The following ANO6 variants were observed in gnomAD, a reference collection of about 807,000 sequenced individuals.
ANO6 encodes the protein anoctamin-6.
Under a neutral mutation model 117.5 loss-of-function variants are expected in ANO6, and 106 were observed. That is an observed-to-expected ratio of 0.90 (90% CI 0.77 to 1.06). The LOEUF is 1.06. Ranked by LOEUF, ANO6 falls within the 50% of genes least tolerant of loss-of-function variation. ANO6 has a pLI of 0.00. For missense variants in ANO6, 955 were observed against 1,121.1 expected, an observed-to-expected ratio of 0.85 and a Z score of 2.12; for synonymous variants, 367 against 385.1, an observed-to-expected ratio of 0.95 and a Z score of 0.55.
At chr12:45,358,587 C>A (rs1941472775) in intron 8 of ANO6, among the ~76,000 whole-genome samples, 1 of 152,120 alleles carries the variant, frequency 6.6e-6, no homozygotes, top group African/African-American at 2.4e-5. Context: ...GATAGTTACA[C>A]CACATATTTC....
intron 1 of ANO6, among the ~76,000 whole-genome samples, chr12:45,218,219 G>A (rs564350832): frequency 9.2e-5 from 14 of 151,854 alleles, no homozygotes; most frequent in African/African-American, 3.4e-4. Flanking sequence ...CACTATTCCT[G>A]TGGGGCCCTG....
intron 3 of ANO6, among the ~76,000 whole-genome samples, chr12:45,332,913 C>T (rs1279094653): frequency 6.6e-6 from 1 of 151,994 alleles, no homozygotes; most frequent in African/African-American, 2.4e-5. Flanking sequence ...TGGAAAGTAT[C>T]GTTTCTGGCT....
chr12:45,342,600 G>C (rs892283409), intron 3 of ANO6, among the ~76,000 whole-genome samples: 6 of 152,140 alleles, frequency 3.9e-5, no homozygotes, highest in Admixed American at 3.3e-4. Flanking sequence ...AGAAAATTTG[G>C]GGGGCTGCAG....
intron 2 of ANO6, among the ~76,000 whole-genome samples, chr12:45,316,088 G>A (rs765890444): frequency 5.9e-5 from 9 of 151,908 alleles, no homozygotes; most frequent in South Asian, 2.1e-4. Flanking sequence ...GAATTTTCCC[G>A]GTAATTTATC....
chr12:45,292,018 G>A lies in ANO6; in HGVS notation c.71-9996G>A, dbSNP rs534987708. Among the ~76,000 whole-genome samples the A allele has an allele frequency of 3.2e-4, 48 of 152,280 alleles. 1 individual carries two copies. The highest frequency in any genetic ancestry group is 4.7e-4 in the Non-Finnish European group (32 of 68,032). On this transcript the variant is annotated intron_variant, in intron 1 of 19. Coordinates refer to ENST00000320560, the MANE Select transcript of ANO6 (RefSeq NM_001025356.3). ...CTCAGATACTTGTATAACAGTGCTCGTTGCAGCATTATTCACAATAGCCAA... is the reference window on the plus strand; with the variant it reads ...CTCAGATACTTGTATAACAGTGCTCATTGCAGCATTATTCACAATAGCCAA...
intron 6 of ANO6, 71 bp from the exon 7 acceptor site, chr12:45,350,588 A>G: frequency 1.7e-6 from 2 of 1,189,800 alleles, no homozygotes; most frequent in African/African-American, 1.5e-5. Flanking sequence ...AAGTATTTGT[A>G]TCACATTTAA....
At chr12:45,400,667 G>C (rs1420921989) in intron 12 of ANO6, among the ~76,000 whole-genome samples, 1 of 152,154 alleles carries the variant, frequency 6.6e-6, no homozygotes, top group Non-Finnish European at 1.5e-5. Context: ...ATACACAAGA[G>C]AAGATATTGA....
chr12:45,285,921 T>TAGC (rs1938900609), intron 1 of ANO6, among the ~76,000 whole-genome samples: 1 of 152,158 alleles, frequency 6.6e-6, no homozygotes, highest in Non-Finnish European at 1.5e-5. Flanking sequence ...TTCCCTCAGA[T>TAGC]AGCTGCCTTA....
At chr12:45,237,848 AC>A (rs1392111678) in intron 1 of ANO6, among the ~76,000 whole-genome samples, 3 of 152,062 alleles carry the variant, frequency 2.0e-5, no homozygotes, top group African/African-American at 7.2e-5. Flanking sequence ...GATTCTTCCT[AC>A]CCATGAGCAT....
chr12:45,377,970 T>C, intron 9 of ANO6, 83 bp from the exon 10 acceptor site: 9 of 1,333,088 alleles, frequency 6.8e-6, no homozygotes, highest in Non-Finnish European at 9.7e-6. Context: ...TTCAAGACTG[T>C]AGAATAGACA....
chr12:45,395,397 A>C (rs575834568), intron 12 of ANO6, among the ~76,000 whole-genome samples: 5 of 152,308 alleles, frequency 3.3e-5, no homozygotes, highest in African/African-American at 1.2e-4. Context: ...TTCACAGCCA[A>C]ATTCTACCAG....
intron 1 of ANO6, among the ~76,000 whole-genome samples, chr12:45,226,412 A>G (rs1409358517): frequency 2.2e-5 from 2 of 91,056 alleles, no homozygotes; most frequent in African/African-American, 4.4e-5. Context: ...TTTAAAGTAC[A>G]AATACTTGAA....
intron 1 of ANO6, among the ~76,000 whole-genome samples, chr12:45,279,190 C>T (rs541919268): frequency 6.6e-6 from 1 of 152,274 alleles, no homozygotes; most frequent in Non-Finnish European, 1.5e-5. Context: ...GGTCCAACTC[C>T]TCAATAAACA....
chr12:45,419,958 A>G (rs1325974083), intron 17 of ANO6, among the ~76,000 whole-genome samples: 1 of 151,608 alleles, frequency 6.6e-6, no homozygotes, highest in East Asian at 1.9e-4. Flanking sequence ...TCATAACTTC[A>G]TCCACTTAAT....
chr12:45,390,397 A>G, intron 11 of ANO6, 24 bp from the exon 12 acceptor site: 1 of 1,586,856 alleles, frequency 6.3e-7, no homozygotes, highest in Admixed American at 1.7e-5. Context: ...TTGATTGACT[A>G]AACTTTTTTG....
At chr12:45,270,876 C>T (rs1331632784) in intron 1 of ANO6, among the ~76,000 whole-genome samples, 2 of 152,116 alleles carry the variant, frequency 1.3e-5, no homozygotes, top group Non-Finnish European at 2.9e-5. Context: ...CATGCCACCA[C>T]ACCCAGCTAA....
At chr12:45,305,501 G>A (rs1383517045) in intron 2 of ANO6, among the ~76,000 whole-genome samples, 1 of 152,174 alleles carries the variant, frequency 6.6e-6, no homozygotes, top group Non-Finnish European at 1.5e-5. Flanking sequence ...GTTCAAGGAG[G>A]ATGTAGTCAG....
chr12:45,217,251 T>C (rs3782131), intron 1 of ANO6, among the ~76,000 whole-genome samples: 17,859 of 152,114 alleles, frequency 0.12, 1,511 homozygotes, highest in East Asian at 0.3. Context: ...GATGATATAA[T>C]GTGTCCCTCC....
chr12:45,239,170 C>T (rs567916523), intron 1 of ANO6, among the ~76,000 whole-genome samples: 11 of 152,142 alleles, frequency 7.2e-5, no homozygotes, highest in Non-Finnish European at 1.3e-4. Flanking sequence ...CCATCTGGTC[C>T]TGGACTTTTT....
Sources: gnomAD v4.1 joint callset for allele counts (sites outside exome capture counted in the v4.1 genomes callset) on GRCh38, gnomAD v4.1.1 for gene constraint, MANE v1.5 for transcripts, NCBI Gene and HGNC (gene_info 2026-07-23, HGNC 2026-07-21) for gene names.